The following BRD10 variants were observed in gnomAD, a reference collection of about 807,000 sequenced individuals.
The protein encoded by BRD10 is uncharacterized bromodomain-containing protein 10.
the BRD10 span, among the ~76,000 whole-genome samples, chr9:5,978,471 A>T: frequency 6.6e-6 from 1 of 151,980 alleles, no homozygotes; most frequent in African/African-American, 2.4e-5. Context: ...GAAGCAAGAT[A>T]TTTATTTATA....
chr9:5,953,372 T>G, the BRD10 span, among the ~76,000 whole-genome samples: 4 of 152,076 alleles, frequency 2.6e-5, no homozygotes, highest in Non-Finnish European at 4.4e-5. Context: ...AAGCATTAAT[T>G]AGGGTGAGAT....
chr9:5,935,411 G>A, the BRD10 span, among the ~76,000 whole-genome samples: 1 of 152,162 alleles, frequency 6.6e-6, no homozygotes, highest in East Asian at 1.9e-4. Context: ...TGGGTGACAG[G>A]TCACATTCCT....
chr9:5,989,287 G>C, the BRD10 span, among the ~76,000 whole-genome samples: 3 of 144,532 alleles, frequency 2.1e-5, no homozygotes, highest in Non-Finnish European at 3.0e-5. Flanking sequence ...AGGCATGGTG[G>C]TGAGCACCTG....
the BRD10 span, among the ~76,000 whole-genome samples, chr9:5,956,136 G>A: frequency 4.0e-5 from 6 of 151,866 alleles, no homozygotes; most frequent in Non-Finnish European, 5.9e-5. Context: ...AAAAAAAAGC[G>A]CCATTTGATT....
At chr9:5,912,519 T>C in the BRD10 span, among the ~76,000 whole-genome samples, 1 of 152,160 alleles carries the variant, frequency 6.6e-6, no homozygotes, top group Non-Finnish European at 1.5e-5. Context: ...ATTCTGATAC[T>C]GAAATCCAGG....
the BRD10 span, chr9:5,920,901 G>A: frequency 6.2e-7 from 1 of 1,613,998 alleles, no homozygotes; most frequent in African/African-American, 1.3e-5. Context: ...GATGAGCAAA[G>A]TCTATTTGAC....
chr9:5,942,183 A>T, the BRD10 span, among the ~76,000 whole-genome samples: 2 of 152,112 alleles, frequency 1.3e-5, no homozygotes, highest in Non-Finnish European at 2.9e-5. Context: ...GTCTGACAAT[A>T]GTGAAGGAAG....
chr9:5,995,560 C>A, the BRD10 span, among the ~76,000 whole-genome samples: 7 of 152,162 alleles, frequency 4.6e-5, no homozygotes, highest in Non-Finnish European at 8.8e-5. Flanking sequence ...TCATTCACAT[C>A]TCAATCTATA....
the BRD10 span, among the ~76,000 whole-genome samples, chr9:5,948,599 A>C: frequency 6.6e-6 from 1 of 152,100 alleles, no homozygotes; most frequent in Non-Finnish European, 1.5e-5. Flanking sequence ...TTTGGATAGA[A>C]ATTCAATAGG....
At chr9:5,913,978 C>T in the BRD10 span, 7 of 450,176 alleles carry the variant, frequency 1.6e-5, no homozygotes, top group African/African-American at 1.2e-4. Flanking sequence ...GAAGCACTTT[C>T]TGCTATCAAA....
At chr9:6,007,179 G>T in the BRD10 span, 1 of 1,607,098 alleles carries the variant, frequency 6.2e-7, no homozygotes, top group Admixed American at 1.7e-5. Context: ...TCCCACCGGG[G>T]ACCGGGCTCG....
At chr9:5,943,929 T>A in the BRD10 span, among the ~76,000 whole-genome samples, 1 of 152,152 alleles carries the variant, frequency 6.6e-6, no homozygotes, top group Admixed American at 6.6e-5. Context: ...GGCTGTACTT[T>A]TATGGTACTG....
chr9:5,977,787 A>T, the BRD10 span, among the ~76,000 whole-genome samples: 1 of 152,218 alleles, frequency 6.6e-6, no homozygotes, highest in Non-Finnish European at 1.5e-5. Context: ...GTGAACCAAG[A>T]TCACGTCACT....
chr9:5,939,037 G>A, the BRD10 span, among the ~76,000 whole-genome samples: 3 of 152,022 alleles, frequency 2.0e-5, no homozygotes, highest in Admixed American at 2.0e-4. Flanking sequence ...ATACCTTACT[G>A]AGAAAATGGG....
chr9:5,884,492 C>A, the BRD10 span, among the ~76,000 whole-genome samples: 1 of 152,234 alleles, frequency 6.6e-6, no homozygotes, highest in East Asian at 1.9e-4. Flanking sequence ...CCCTAAACCA[C>A]TGGGATGTCA....
chr9:6,006,663 A>T, the BRD10 span, among the ~76,000 whole-genome samples: 1 of 152,228 alleles, frequency 6.6e-6, no homozygotes, highest in Admixed American at 6.5e-5. Context: ...GAGAGAAAAG[A>T]TCAGTAGTAT....
chr9:5,906,285 G>A, the BRD10 span, among the ~76,000 whole-genome samples: 13 of 149,708 alleles, frequency 8.7e-5, no homozygotes, highest in African/African-American at 2.5e-4. Flanking sequence ...AGCCGAGATC[G>A]TGCCATTATA....
chr9:5,965,333 C>A, the BRD10 span, among the ~76,000 whole-genome samples: 1 of 151,714 alleles, frequency 6.6e-6, no homozygotes, highest in Non-Finnish European at 1.5e-5. Context: ...AAAAACACTA[C>A]GTTAAACAAA....
the BRD10 span, among the ~76,000 whole-genome samples, chr9:5,881,909 G>C: frequency 6.6e-6 from 1 of 152,210 alleles, no homozygotes; most frequent in South Asian, 2.1e-4. Context: ...CCAAGCAATG[G>C]AGATACAGAA....
Sources: gnomAD v4.1 joint callset for allele counts (sites outside exome capture counted in the v4.1 genomes callset) on GRCh38, gnomAD v4.1.1 for gene constraint, MANE v1.5 for transcripts, NCBI Gene and HGNC (gene_info 2026-07-23, HGNC 2026-07-21) for gene names.